RIMS1: variants seen among roughly 807,000 people sequenced by gnomAD.
RIMS1 encodes the protein regulating synaptic membrane exocytosis protein 1.
In RIMS1, 83 loss-of-function variants were observed where a neutral mutation model predicts 214.1. The ratio of observed to expected loss-of-function variants is 0.39; its 90% CI spans 0.32 to 0.47. The LOEUF (loss-of-function observed/expected upper bound fraction) is 0.47. Ranked by LOEUF, RIMS1 falls within the 20% of genes least tolerant of loss-of-function variation. RIMS1 has a pLI of 0.99. For missense variants in RIMS1, 2,050 were observed against 2,161.8 expected (o/e 0.95, Z 1.03); for synonymous variants, 793 against 786.8 (o/e 1.01, Z -0.13).
chr6:71,887,769 C>T (rs911377073), intron 1 of RIMS1, among the ~76,000 whole-genome samples: 8 of 152,196 alleles, frequency 5.3e-5, no homozygotes, highest in Non-Finnish European at 1.2e-4. Context: ...TGGTAACCTG[C>T]CTCCCCAGCT....
Position 72,240,992 on chromosome 6 carries a change from G to A in RIMS1, c.1958-1322G>A, listed in dbSNP as rs546495186. Among the ~76,000 whole-genome samples, 11 of 152,116 alleles carry A rather than the reference G, an allele frequency of 7.2e-5. 1 individual carries two copies. Among genetic ancestry groups the A allele is most frequent in the South Asian group, 4.2e-4 (2 of 4,814 alleles). On this transcript the variant is annotated intron_variant, in intron 9 of 33. Coordinates refer to ENST00000521978, the MANE Select transcript of RIMS1 (RefSeq NM_014989.7). ...GATTGCGCCACTGCACTCTAGCCTG[G>A]GCAACAGGAGTGAAACTCCATCTCA...
intron 4 of RIMS1, among the ~76,000 whole-genome samples, chr6:72,168,721 GTTTTTTT>G (rs5877314): frequency 2.0e-5 from 2 of 101,192 alleles, no homozygotes; most frequent in African/African-American, 4.2e-5. Flanking sequence ...TAGTTTCAGG[GTTTTTTT>G]TTTTTTTTTT....
rs760275052 is a variant in RIMS1, at chr6:72,182,941, G to A, written c.1470G>A (p.Glu490=). The part of the protein sequence containing the change: ...SAVLMRKAKR[E]KVETMLRNDS... Reference sequence around the variant, plus strand: ...TCCTCATGCGGAAGGCCAAGCGCGAGAAGGTGGAGACCATGCTGCGGAACG... The same window carrying A: ...TCCTCATGCGGAAGGCCAAGCGCGAAAAGGTGGAGACCATGCTGCGGAACG... Residue 490 remains glutamate (E), a synonymous_variant, in exon 6 of 34, where the codon GAG becomes GAA. Coordinates refer to ENST00000521978, the MANE Select transcript of RIMS1 (RefSeq NM_014989.7). The A allele has an allele frequency of 3.3e-5, 52 of 1,589,312 alleles. No individual in the cohort carries two copies. Among genetic ancestry groups the A allele is most frequent in the Non-Finnish European group, 4.4e-5 (51 of 1,169,138 alleles).
At chr6:72,280,251 C>T (rs1447651366) in intron 23 of RIMS1, among the ~76,000 whole-genome samples, 2 of 151,842 alleles carry the variant, frequency 1.3e-5, no homozygotes, top group Non-Finnish European at 1.5e-5. Context: ...AATTCCTGAC[C>T]ACAGGGAACT....
chr6:72,064,451 G>A (rs886615853), intron 2 of RIMS1, among the ~76,000 whole-genome samples: 4 of 152,134 alleles, frequency 2.6e-5, no homozygotes, highest in African/African-American at 9.7e-5. Flanking sequence ...ATGAATTGTT[G>A]AGGGGATATG....
At chr6:72,359,719 T>G (rs2097761320) in intron 29 of RIMS1, among the ~76,000 whole-genome samples, 1 of 152,212 alleles carries the variant, frequency 6.6e-6, no homozygotes, top group African/African-American at 2.4e-5. Context: ...CAAGGGTTCC[T>G]TTCCAGTTGA....
intron 4 of RIMS1, among the ~76,000 whole-genome samples, chr6:72,154,258 C>T (rs776019031): frequency 1.7e-5 from 2 of 115,380 alleles, no homozygotes; most frequent in African/African-American, 2.6e-5. Flanking sequence ...TTTTTGGCTC[C>T]TTCTATGAAG....
intron 6 of RIMS1, among the ~76,000 whole-genome samples, chr6:72,185,235 C>A (rs1167164070): frequency 6.6e-6 from 1 of 151,954 alleles, no homozygotes; most frequent in Non-Finnish European, 1.5e-5. Flanking sequence ...TGGAAGAGAA[C>A]CCCGATAAAT....
chr6:72,054,519 T>A (rs112914120), intron 2 of RIMS1, among the ~76,000 whole-genome samples: 17,194 of 152,194 alleles, frequency 0.11, 1,179 homozygotes, highest in South Asian at 0.17. Flanking sequence ...TCCACAATGG[T>A]TGAACTAATT....
Position 72,176,377 on chromosome 6 carries a change from C to CAA in RIMS1, c.472-3193_472-3192dup, listed in dbSNP as rs566097692. Among the ~76,000 whole-genome samples, 285 of 152,202 alleles carry CAA rather than the reference C, an allele frequency of 1.9e-3. 11 individuals carry two copies. Among genetic ancestry groups the CAA allele is most frequent in the Admixed American group, 0.018 (268 of 15,296 alleles). On this transcript the variant is annotated intron_variant, in intron 4 of 33. Transcript: ENST00000521978. ...CAAATATAATACTTAATACTGACTT[C>CAA]AAAAAATGTACTGTAGAGGTCTGCA...
chr6:72,162,343 G>T (rs6917377), intron 4 of RIMS1, among the ~76,000 whole-genome samples: 136,248 of 139,784 alleles, frequency 0.97, 66,683 homozygotes, highest in East Asian at 1. Flanking sequence ...CTTTATCCAA[G>T]TTGCCAGTCT....
intron 2 of RIMS1, among the ~76,000 whole-genome samples, chr6:72,040,220 A>G (rs1585445550): frequency 6.6e-6 from 1 of 152,170 alleles, no homozygotes; most frequent in East Asian, 1.9e-4. Flanking sequence ...TTGTATTCTT[A>G]TGTCCCATTT....
chr6:72,215,254 A>G (rs72939721), intron 6 of RIMS1, among the ~76,000 whole-genome samples: 1,547 of 152,310 alleles, frequency 0.01, 14 homozygotes, highest in African/African-American at 0.025. Context: ...TTCAGCCCCA[A>G]TAGCTGCTCC....
chr6:71,913,827 C>T (rs916895163), intron 1 of RIMS1, among the ~76,000 whole-genome samples: 1 of 152,166 alleles, frequency 6.6e-6, no homozygotes, highest in Middle Eastern at 3.4e-3. Flanking sequence ...CACCCCTGGG[C>T]AAATGGGGCT....
intron 1 of RIMS1, among the ~76,000 whole-genome samples, chr6:71,893,132 G>C (rs1367853059): frequency 1.3e-5 from 2 of 152,146 alleles, no homozygotes; most frequent in Non-Finnish European, 2.9e-5. Context: ...ATATTTTCCA[G>C]TAGTCTTTGA....
Position 72,401,574 on chromosome 6 carries a change from T to C in RIMS1, c.*860T>C, listed in dbSNP as rs2098835582. 1.3e-5 allele frequency: 2 copies of C among 152,646 alleles called. No homozygotes were observed. The highest frequency in any genetic ancestry group is 2.9e-5 in the Non-Finnish European group (2 of 68,034). 9.5% of individuals were successfully genotyped at this position (152,646 alleles called of 1,614,324 possible). ...AAAGAAGTCAATCTGCAACTAATGC[T>C]GGGGACTAAAACTAACTGCATAATT... is the stretch of plus-strand genomic sequence containing the variant. On this transcript the variant is annotated 3_prime_UTR_variant, in exon 34 of 34. Coordinates refer to ENST00000521978, the MANE Select transcript of RIMS1 (RefSeq NM_014989.7).
intron 6 of RIMS1, among the ~76,000 whole-genome samples, chr6:72,233,562 TAGTC>T (rs1175053428): frequency 2.6e-5 from 4 of 151,414 alleles, no homozygotes; most frequent in African/African-American, 9.7e-5. Flanking sequence ...GAGAAAAAGG[TAGTC>T]ATTCATTGTA....
chr6:72,237,742 G>T, intron 8 of RIMS1, 81 bp from the exon 9 acceptor site: 3 of 983,490 alleles, frequency 3.1e-6, no homozygotes, highest in Non-Finnish European at 4.7e-6. Flanking sequence ...TATCATAAAA[G>T]AATGTAGGAT....
intron 1 of RIMS1, among the ~76,000 whole-genome samples, chr6:71,956,882 A>T (rs774494582): frequency 6.6e-6 from 1 of 152,134 alleles, no homozygotes; most frequent in African/African-American, 2.4e-5. Flanking sequence ...ATAATGTGAA[A>T]ATTTCTGAGC....
Sources: gnomAD v4.1 joint callset for allele counts (sites outside exome capture counted in the v4.1 genomes callset) on GRCh38, gnomAD v4.1.1 for gene constraint, MANE v1.5 for transcripts, NCBI Gene and HGNC (gene_info 2026-07-23, HGNC 2026-07-21) for gene names.